Variants in STAB2 observed in about 807,000 individuals in gnomAD.
STAB2 encodes stabilin 2.
A neutral mutation model predicts 338.1 loss-of-function variants in STAB2; 288 were observed. The ratio of observed to expected loss-of-function variants is 0.85; its 90% CI spans 0.77 to 0.94. The LOEUF (loss-of-function observed/expected upper bound fraction) is 0.94. Among genes scored for constraint, STAB2 ranks in the 40% least tolerant of loss-of-function variants. The pLI is 0.00. For missense variants in STAB2, 3,141 were observed against 3,210.1 expected (o/e 0.98, Z 0.52); for synonymous variants, 1,202 against 1,193.3 (o/e 1.01, Z -0.15).
At chr12:103,703,408 G>A (rs1879076414) in intron 35 of STAB2, 132 bp downstream of exon 35, 1 of 1,168,136 alleles carries the variant, frequency 8.6e-7, no homozygotes, top group Non-Finnish European at 1.2e-6. Context: ...GAGTATCTTT[G>A]ATGTGCCAAG....
intron 34 of STAB2, among the ~76,000 whole-genome samples, chr12:103,702,138 TAA>T (rs34319571): frequency 0.066 from 9,605 of 145,866 alleles, 359 homozygotes; most frequent in Admixed American, 0.12. Context: ...TGTTCTTCCC[TAA>T]AAAAAAAAAA....
intron 18 of STAB2, among the ~76,000 whole-genome samples, chr12:103,664,185 C>T (rs1874874187): frequency 6.6e-6 from 1 of 151,782 alleles, no homozygotes; most frequent in African/African-American, 2.4e-5. Flanking sequence ...GCTCTGTTGC[C>T]CAGGCTGGAG....
chr12:103,679,340 C>A lies in STAB2; in HGVS notation c.2805+1729C>A, dbSNP rs193151140. 1.1e-3 allele frequency among the ~76,000 whole-genome samples: 162 copies of A among 151,928 alleles called. 3 individuals are homozygous for A. The highest frequency in any genetic ancestry group is 3.9e-3 in the African/African-American group (162 of 41,398). On this transcript the variant is annotated intron_variant, in intron 25 of 68. Coordinates refer to ENST00000388887, the MANE Select transcript of STAB2 (RefSeq NM_017564.10). ...CTGAGATCGTGCCATTGCATTCCAG[C>A]CTGGGCAACAAGAGCAAAACTCTGT...
At chr12:103,745,047 A>C (rs1566069013) in intron 56 of STAB2, 126 bp from the exon 57 acceptor site, 29 of 731,602 alleles carry the variant, frequency 4.0e-5, no homozygotes, top group Middle Eastern at 5.6e-4. Context: ...TCAATGAATG[A>C]ATGAATGACT....
At chr12:103,696,785 A>C (rs1878444955) in intron 33 of STAB2, among the ~76,000 whole-genome samples, 1 of 152,188 alleles carries the variant, frequency 6.6e-6, no homozygotes, top group Non-Finnish European at 1.5e-5. Context: ...AGGGGTGATC[A>C]TGAGGATTCT....
At chr12:103,615,210 A>G (rs1957190445) in intron 3 of STAB2, among the ~76,000 whole-genome samples, 1 of 152,040 alleles carries the variant, frequency 6.6e-6, no homozygotes, top group African/African-American at 2.4e-5. Context: ...CAGGGCTTCC[A>G]AAAGGGAGAT....
intron 9 of STAB2, among the ~76,000 whole-genome samples, chr12:103,647,047 A>G (rs1239883613): frequency 6.6e-6 from 1 of 152,254 alleles, no homozygotes; most frequent in African/African-American, 2.4e-5. Flanking sequence ...AGTGGACAGC[A>G]AAAAGAAGAC....
intron 36 of STAB2, 46 bp downstream of exon 36, chr12:103,704,660 A>G (rs1879184701): frequency 6.5e-7 from 1 of 1,549,604 alleles, no homozygotes; most frequent in South Asian, 1.2e-5. Context: ...AGATCCGAGG[A>G]GTCCCAATTA....
chr12:103,670,585 A>T (rs756251689), intron 21 of STAB2, 111 bp from the exon 22 acceptor site: 58 of 823,152 alleles, frequency 7.0e-5, no homozygotes, highest in Non-Finnish European at 1.1e-4. Flanking sequence ...GGAGTCCCAG[A>T]GGGTCATGTC....
At chr12:103,699,521 A>G (rs1878685817) in intron 34 of STAB2, among the ~76,000 whole-genome samples, 1 of 152,262 alleles carries the variant, frequency 6.6e-6, no homozygotes, top group East Asian at 1.9e-4. Flanking sequence ...CCCCTTATGA[A>G]ACCATCAGAT....
In STAB2 at chr12:103,750,763, C is replaced by T. The variant is rs116741567; in HGVS notation, c.6580+43C>T. On this transcript the variant is annotated intron_variant, in intron 60 of 68. Transcript: ENST00000388887. Reference sequence around the variant, plus strand: ...CTATGGCCCAAAGCACCCTCCTCTTCAGGCCTGGGGAAGGGACCCTCAAGG... The same window carrying T: ...CTATGGCCCAAAGCACCCTCCTCTTTAGGCCTGGGGAAGGGACCCTCAAGG... 2,518 of 1,580,854 alleles carry T rather than the reference C, an allele frequency of 1.6e-3. 35 individuals are homozygous for T. In the African/African-American group the frequency reaches 0.03, roughly 19 times the overall value.
intron 9 of STAB2, 145 bp from the exon 10 acceptor site, chr12:103,648,545 C>A: frequency 9.8e-7 from 1 of 1,017,136 alleles, no homozygotes. Flanking sequence ...TACTAGATGT[C>A]AGATACCACA....
intron 1 of STAB2, 63 bp from the exon 2 acceptor site, chr12:103,590,834 G>C: frequency 1.9e-6 from 3 of 1,598,472 alleles, no homozygotes; most frequent in Non-Finnish European, 2.6e-6. Flanking sequence ...GATTGGCCAT[G>C]CTAGATGTTT....
At chr12:103,754,675 C>T (rs1249395907) in intron 61 of STAB2, among the ~76,000 whole-genome samples, 2 of 152,002 alleles carry the variant, frequency 1.3e-5, no homozygotes, top group Non-Finnish European at 2.9e-5. Flanking sequence ...CTAGGCCAGG[C>T]GTGGTGACTC....
At chr12:103,648,666 G>T in intron 9 of STAB2, 24 bp from the exon 10 acceptor site, 3 of 1,610,582 alleles carry the variant, frequency 1.9e-6, no homozygotes, top group Non-Finnish European at 2.5e-6. Flanking sequence ...AAACCCTGAG[G>T]ATGTCTTTTC....
intron 18 of STAB2, among the ~76,000 whole-genome samples, chr12:103,663,397 G>A (rs1220454246): frequency 3.8e-5 from 3 of 77,970 alleles, no homozygotes; most frequent in African/African-American, 6.9e-5. Context: ...GCCTCCTTCT[G>A]GATTCTGGGG....
rs745353422 is a variant in STAB2, at chr12:103,704,563, A to T, written c.3849A>T (p.Arg1283Ser). ...DNNDTTIIRG[R>S]CRTCSSELTC... ...TGCTTTTGTGTTTTACCAAGGGAAG[A>T]TGTAGGACATGCTCCTCAGAGCTGA... Residue 1283 changes from arginine (R) to serine (S), a missense_variant, in exon 36 of 69, where the codon AGA (arginine) becomes AGT (serine). Transcript: ENST00000388887. 3.1e-6 allele frequency: 5 copies of T among 1,613,518 alleles called. No homozygotes were observed. In the African/African-American group the frequency reaches 6.7e-5, roughly 22 times the overall value.
intron 3 of STAB2, among the ~76,000 whole-genome samples, chr12:103,602,364 C>T (rs1298268858): frequency 1.3e-5 from 2 of 152,154 alleles, no homozygotes; most frequent in African/African-American, 4.8e-5. Flanking sequence ...TTTAGCTATT[C>T]ACTAACTGAA....
intron 19 of STAB2, 183 bp from the exon 20 acceptor site, chr12:103,668,460 A>C: frequency 1.2e-5 from 7 of 573,126 alleles, no homozygotes; most frequent in East Asian, 3.1e-5. Flanking sequence ...CAACAAGGGA[A>C]CAGGCCTAAA....
Sources: gnomAD v4.1 joint callset for allele counts (sites outside exome capture counted in the v4.1 genomes callset) on GRCh38, gnomAD v4.1.1 for gene constraint, MANE v1.5 for transcripts, NCBI Gene and HGNC (gene_info 2026-07-23, HGNC 2026-07-21) for gene names.